IL4: variants seen among roughly 807,000 people sequenced by gnomAD.
IL4 encodes the protein interleukin 4, also known as interleukin-4.
A neutral mutation model predicts 17.4 loss-of-function variants in IL4; 10 were observed. The ratio of observed to expected loss-of-function variants is 0.57; its 90% CI spans 0.35 to 0.97. IL4 has a LOEUF of 0.97. IL4 is among the 50% of genes least tolerant of loss of function. The probability of loss-of-function intolerance (pLI) is 0.01; values close to 1 mark genes in which losing one functional copy is unlikely to be tolerated. For synonymous variants in IL4, 87 were observed against 79.0 expected (o/e 1.10, Z -0.54); for missense variants, 174 against 187.7 (o/e 0.93, Z 0.43).
At chr5:132,674,366 A>G in intron 1 of IL4, 93 bp from the exon 2 acceptor site, 2 of 1,394,530 alleles carry the variant, frequency 1.4e-6, no homozygotes, top group African/African-American at 1.4e-5. Flanking sequence ...AAGTTTCCTC[A>G]GTTGGAGGGA....
In IL4 at chr5:132,674,018, C is replaced by T. The variant is rs2070874; in HGVS notation, c.-33C>T. ...TTAGCTTCTCCTGATAAACTAATTG[C>T]CTCACATTGTCACTGCAAATCGACA... On this transcript the variant is annotated 5_prime_UTR_variant, in exon 1 of 4. Transcript: ENST00000231449. 303,025 of 1,602,216 alleles carry T rather than the reference C, an allele frequency of 0.19. 42,660 individuals carry two copies. Among genetic ancestry groups the T allele is most frequent in the East Asian group, 0.74 (33,100 of 44,680 alleles).
In IL4 at chr5:132,682,517, G is replaced by A. The variant is rs780509862; in HGVS notation, c.392G>A (p.Ser131Asn). The change falls in exon 4 of 4, where the codon AGT becomes AAT. Residue 131 changes from serine (S) to asparagine (N), a missense_variant. Transcript: ENST00000231449. ...TGTCCTGTGAAGGAAGCCAACCAGAGTACGTTGGAAAACTTCTTGGAAAGG... is the reference window on the plus strand; with the variant it reads ...TGTCCTGTGAAGGAAGCCAACCAGAATACGTTGGAAAACTTCTTGGAAAGG... ...NSCPVKEANQ[S>N]TLENFLERLK... 1.8e-5 allele frequency: 29 copies of A among 1,610,308 alleles called. 1 individual carries two copies. In the South Asian group the frequency reaches 2.9e-4, roughly 16 times the overall value.
At position 132,674,524 on chromosome 5, in the gene IL4, G is replaced by A. The variant is rs56141757; in HGVS notation, c.183+18G>A. 4.6e-3 allele frequency: 7,449 copies of A among 1,610,382 alleles called. 22 individuals carry two copies. Among genetic ancestry groups the A allele is most frequent in the Admixed American group, 5.8e-3 (347 of 59,994 alleles). On this transcript the variant is annotated intron_variant, in intron 2 of 3. Transcript: ENST00000231449. ...CCTCCAAGGTAAGAAGCCGTCCCAC[G>A]GTCTGTTTTAGCAAATGGGGAGATC... is the stretch of plus-strand genomic sequence containing the variant.
At chr5:132,682,298 A>G (rs1404830583) in intron 3 of IL4, among the ~76,000 whole-genome samples, 188 bp from the exon 4 acceptor site, 1 of 152,132 alleles carries the variant, frequency 6.6e-6, no homozygotes, top group Non-Finnish European at 1.5e-5. Context: ...TAGAAGTGTA[A>G]GTAGTATGCA....
At chr5:132,677,135 C>T (rs757275907) in intron 2 of IL4, among the ~76,000 whole-genome samples, 4 of 152,190 alleles carry the variant, frequency 2.6e-5, no homozygotes, top group Admixed American at 6.5e-5. Flanking sequence ...TCATATACAG[C>T]ACTAGCTGAC....
chr5:132,676,820 C>T (rs1238918170), intron 2 of IL4, among the ~76,000 whole-genome samples: 2 of 152,170 alleles, frequency 1.3e-5, no homozygotes, highest in Admixed American at 6.5e-5. Flanking sequence ...GATTTTATTT[C>T]TTCGGGGGAA....
rs557760859 is a variant in IL4 at position 132,680,466 on chromosome 5, T to C, written c.360+576T>C. Among the ~76,000 whole-genome samples the C allele has an allele frequency of 1.6e-4, 25 of 152,358 alleles. No homozygotes were observed. In the South Asian group the frequency reaches 4.3e-3, roughly 26 times the overall value. On this transcript the variant is annotated intron_variant, in intron 3 of 3. Coordinates refer to ENST00000231449, the MANE Select transcript of IL4 (RefSeq NM_000589.4). This position sits in a 1 kb window ranked among gnomAD's most constrained non-coding sequence, Gnocchi z 4.3. Reference sequence around the variant, plus strand: ...AGGCCTTTAGATTCCACCACGAGTATGGCAGGGAACACCTGCAGAGCTTTG... The same window carrying C: ...AGGCCTTTAGATTCCACCACGAGTACGGCAGGGAACACCTGCAGAGCTTTG...
At position 132,674,116 on chromosome 5, in the gene IL4, C is replaced by T. The variant is rs1276587309; in HGVS notation, c.66C>T (p.Val22=). The change falls in exon 1 of 4, where the codon GTC becomes GTT. Residue 22 remains valine, a synonymous_variant. Coordinates refer to ENST00000231449, the MANE Select transcript of IL4 (RefSeq NM_000589.4). ...TGCTAGCATGTGCCGGCAACTTTGT[C>T]CACGGACACAAGTGCGATATCACCT... ...FFLLACAGNF[V]HGHKCDITLQ... 2 of 1,614,042 alleles carry T rather than the reference C, an allele frequency of 1.2e-6. No homozygotes were observed. Among genetic ancestry groups the T allele is most frequent in the Non-Finnish European group, 1.7e-6 (2 of 1,179,998 alleles).
rs1261736789 is a variant in IL4 at position 132,680,801 on chromosome 5, G to A, written c.360+911G>A. ...TGGTGGCGTGGACAGAATGGGAGCAGTTGAGGTGAACAGATTTGGGATATG... is the reference window on the plus strand; with the variant it reads ...TGGTGGCGTGGACAGAATGGGAGCAATTGAGGTGAACAGATTTGGGATATG... On this transcript the variant is annotated intron_variant, in intron 3 of 3. Coordinates refer to ENST00000231449, the MANE Select transcript of IL4 (RefSeq NM_000589.4). This position sits in a 1 kb window ranked among gnomAD's most constrained non-coding sequence, Gnocchi z 4.3. Among the ~76,000 whole-genome samples the A allele has an allele frequency of 6.6e-6, 1 of 152,206 alleles. No individual in the cohort carries two copies. Among genetic ancestry groups the A allele is most frequent in the Non-Finnish European group, 1.5e-5 (1 of 68,044 alleles).
Position 132,679,879 on chromosome 5 carries a change from C to G in IL4, c.349C>G (p.Leu117Val), listed in dbSNP as rs1231414018. The change falls in exon 3 of 4, where the codon CTG becomes GTG. Residue 117 changes from leucine to valine, a missense_variant. Coordinates refer to ENST00000231449, the MANE Select transcript of IL4 (RefSeq NM_000589.4). ...LKRLDRNLWG[L>V]AGLNSCPVKE... is the part of the protein sequence containing the mutation. ...ACGGCTCGACAGGAACCTCTGGGGCCTGGCGGGCTTGGTAAGCTGCACTGT... is the reference window on the plus strand; with the variant it reads ...ACGGCTCGACAGGAACCTCTGGGGCGTGGCGGGCTTGGTAAGCTGCACTGT... 4 of 1,612,062 alleles carry G rather than the reference C, an allele frequency of 2.5e-6. No individual in the cohort carries two copies. Among genetic ancestry groups the G allele is most frequent in the Non-Finnish European group, 3.4e-6 (4 of 1,179,256 alleles).
intron 2 of IL4, 33 bp downstream of exon 2, chr5:132,674,539 A>G: frequency 1.9e-6 from 3 of 1,579,108 alleles, no homozygotes; most frequent in Non-Finnish European, 2.6e-6. Flanking sequence ...GTTTTAGCAA[A>G]TGGGGAGATC....
At position 132,679,854 on chromosome 5, in the gene IL4, A is replaced by ACGGCT; in HGVS notation, c.327_331dup (p.Asp111GlyfsTer12). 6.2e-7 allele frequency: 1 copy of ACGGCT among 1,613,692 alleles called. No homozygotes were observed. The highest frequency in any genetic ancestry group is 2.2e-5 in the East Asian group (1 of 44,886). On this transcript the variant is annotated frameshift_variant, in exon 3 of 4. Transcript: ENST00000231449. LOFTEE classifies it high-confidence loss of function. ...ACAAGCAGCTGATCCGATTCCTGAA[A>ACGGCT]CGGCTCGACAGGAACCTCTGGGGCC...
At position 132,679,708 on chromosome 5, in the gene IL4, T is replaced by C. The variant is rs757675990; in HGVS notation, c.184-6T>C. 1.2e-5 allele frequency: 20 copies of C among 1,608,734 alleles called. No individual in the cohort carries two copies. The highest frequency in any genetic ancestry group is 1.7e-5 in the Non-Finnish European group (20 of 1,177,250). On this transcript the variant is annotated splice_polypyrimidine_tract_variant and splice_region_variant and intron_variant, in intron 2 of 3. Transcript: ENST00000231449. ...ACATTGCTATCTGTGGCATTTGTCT[T>C]TCCAGAACACAACTGAGAAGGAAAC...
chr5:132,676,014 C>T (rs2243254), intron 2 of IL4, among the ~76,000 whole-genome samples: 111 of 151,016 alleles, frequency 7.4e-4, no homozygotes, highest in African/African-American at 2.6e-3. Context: ...AAGAGTCCAC[C>T]GGGTTGAGCA....
At chr5:132,681,128 G>C (rs930448752) in intron 3 of IL4, among the ~76,000 whole-genome samples, 60 of 152,170 alleles carry the variant, frequency 3.9e-4, no homozygotes, top group African/African-American at 1.3e-3. Context: ...AAAAAGGAGA[G>C]TCCTTAGATA....
At chr5:132,681,946 A>T (rs1327018461) in intron 3 of IL4, among the ~76,000 whole-genome samples, 1 of 152,230 alleles carries the variant, frequency 6.6e-6, no homozygotes, top group Non-Finnish European at 1.5e-5. Flanking sequence ...TTTATAAATT[A>T]AGTAGTACAT....
intron 1 of IL4, 47 bp downstream of exon 1, chr5:132,674,232 C>G (rs200808801): frequency 6.9e-6 from 11 of 1,597,380 alleles, no homozygotes; most frequent in Admixed American, 3.3e-5. Context: ...TGGTGATGCT[C>G]TCAGTATTTC....
intron 2 of IL4, among the ~76,000 whole-genome samples, chr5:132,677,101 A>T (rs776739547): frequency 6.6e-6 from 1 of 152,150 alleles, no homozygotes; most frequent in Non-Finnish European, 1.5e-5. Context: ...AACCTCAAAT[A>T]CCTCTGTTTT....
intron 2 of IL4, among the ~76,000 whole-genome samples, chr5:132,676,491 C>A (rs984777579): frequency 3.3e-5 from 5 of 152,050 alleles, no homozygotes; most frequent in Admixed American, 1.3e-4. Context: ...GCTGCCCTCC[C>A]GTCCTTAACT....
Sources: gnomAD v4.1 joint callset for allele counts (sites outside exome capture counted in the v4.1 genomes callset) on GRCh38, gnomAD v4.1.1 for gene constraint, Gnocchi (gnomAD v3.1) non-coding constraint, MANE v1.5 for transcripts, NCBI Gene and HGNC (gene_info 2026-07-23, HGNC 2026-07-21) for gene names.